The following RORA variants were observed in gnomAD, a reference collection of about 807,000 sequenced individuals.
RORA encodes the protein RAR related orphan receptor A.
RORA carries 7 observed loss-of-function variants against 69.5 expected under a neutral mutation model. That is an observed-to-expected ratio of 0.10 (90% CI 0.06 to 0.19). The LOEUF (loss-of-function observed/expected upper bound fraction) is 0.19, where lower values mean the gene tolerates loss of function less well. Among genes scored for constraint, RORA ranks in the 10% least tolerant of loss-of-function variants. RORA has a pLI of 1.00. For missense variants in RORA, 457 were observed against 663.0 expected (o/e 0.69, Z 3.41); for synonymous variants, 261 against 240.8 (o/e 1.08, Z -0.78).
chr15:61,048,525 C>G (rs908845608), intron 1 of RORA, among the ~76,000 whole-genome samples: 1 of 152,188 alleles, frequency 6.6e-6, no homozygotes, highest in African/African-American at 2.4e-5. Flanking sequence ...TGCCCCACAC[C>G]CCAGATATCT....
At chr15:60,569,861 C>T (rs1321367264) in intron 2 of RORA, among the ~76,000 whole-genome samples, 1 of 152,046 alleles carries the variant, frequency 6.6e-6, no homozygotes. Flanking sequence ...GCTATTCAAG[C>T]CAATATGGTT....
intron 1 of RORA, among the ~76,000 whole-genome samples, chr15:60,858,901 C>T (rs1050511664): frequency 2.6e-5 from 4 of 151,956 alleles, no homozygotes; most frequent in Non-Finnish European, 5.9e-5. Context: ...ATTGTGCAGC[C>T]GAAAGAAGGC....
chr15:61,181,085 CAG>C (rs2079680734), intron 1 of RORA, among the ~76,000 whole-genome samples: 1 of 128,238 alleles, frequency 7.8e-6, no homozygotes, highest in Non-Finnish European at 1.6e-5. Flanking sequence ...GCCAGGGAGA[CAG>C]AGCGAGATTC....
chr15:61,019,145 T>C (rs144397076), intron 1 of RORA, among the ~76,000 whole-genome samples: 69 of 152,342 alleles, frequency 4.5e-4, no homozygotes, highest in Middle Eastern at 6.8e-3. Flanking sequence ...AGAATTGCAC[T>C]GGCTTCACAG....
chr15:61,172,624 C>T (rs1405415486), intron 1 of RORA, among the ~76,000 whole-genome samples: 1 of 152,170 alleles, frequency 6.6e-6, no homozygotes, highest in Non-Finnish European at 1.5e-5. Flanking sequence ...GGGACCAATT[C>T]AGAGACTGCT....
chr15:60,556,319 A>G (rs1453438994), intron 2 of RORA, among the ~76,000 whole-genome samples: 1 of 152,110 alleles, frequency 6.6e-6, no homozygotes, highest in Non-Finnish European at 1.5e-5. Context: ...TCTACCCTCA[A>G]AATTGAGGGT....
At position 61,030,147 on chromosome 15, in the gene RORA, G is replaced by A. The variant is rs183670561; in HGVS notation, c.166+198906C>T. Among the ~76,000 whole-genome samples, 139 of 152,286 alleles carry A rather than the reference G, an allele frequency of 9.1e-4. 1 individual carries two copies. The highest frequency in any genetic ancestry group is 1.4e-3 in the Non-Finnish European group (98 of 68,020). ...TTATGGAAGTCAAGGAAACGCTAAG[G>A]AAGTGTTCACATTAAAGGAAACTAA... On this transcript the variant is annotated intron_variant, in intron 1 of 10. Coordinates refer to ENST00000335670, the MANE Select transcript of RORA (RefSeq NM_134261.3).
At chr15:61,015,752 C>T (rs1895260271) in intron 1 of RORA, among the ~76,000 whole-genome samples, 2 of 152,126 alleles carry the variant, frequency 1.3e-5, no homozygotes, top group African/African-American at 4.8e-5. Context: ...GGAAAGAACA[C>T]CAAACAATTC....
intron 1 of RORA, among the ~76,000 whole-genome samples, chr15:60,816,842 T>C (rs183728129): frequency 2.6e-5 from 4 of 152,268 alleles, no homozygotes; most frequent in Admixed American, 2.6e-4. Flanking sequence ...ATTGTTATGT[T>C]TTTCTAATGG....
At chr15:61,217,635 G>A (rs574568440) in intron 1 of RORA, among the ~76,000 whole-genome samples, 20 of 152,268 alleles carry the variant, frequency 1.3e-4, no homozygotes, top group African/African-American at 4.6e-4. Context: ...CAGAAAGGCA[G>A]GGAGCTCGCC....
chr15:60,809,718 A>T lies in RORA; in HGVS notation c.167-131032T>A, dbSNP rs538484284. Among the ~76,000 whole-genome samples, 51 of 152,048 alleles carry T rather than the reference A, an allele frequency of 3.4e-4. No individual in the cohort carries two copies. The Middle Eastern group carries it at 0.01, about 31-fold the overall frequency. ...TATTCTGTGCTTCTGGTTTTATGAC[A>T]ATGTAAATGCTATTCACCAATGGGG... On this transcript the variant is annotated intron_variant, in intron 1 of 10. Transcript: ENST00000335670.
chr15:60,947,136 G>T (rs528979210), intron 1 of RORA, among the ~76,000 whole-genome samples: 1 of 149,996 alleles, frequency 6.7e-6, no homozygotes, highest in Non-Finnish European at 1.5e-5. Context: ...CACCCGGCCA[G>T]CCCCTTCTGG....
intron 1 of RORA, among the ~76,000 whole-genome samples, chr15:61,106,325 T>C (rs560286151): frequency 4.5e-4 from 68 of 152,330 alleles, no homozygotes; most frequent in African/African-American, 1.5e-3. Flanking sequence ...GGTGAGACCA[T>C]ACAGAATTGA....
At chr15:60,926,146 T>C (rs1244884976) in intron 1 of RORA, among the ~76,000 whole-genome samples, 1 of 152,238 alleles carries the variant, frequency 6.6e-6, no homozygotes, top group Non-Finnish European at 1.5e-5. Flanking sequence ...TATACATCTA[T>C]GGTTTTGGAG....
At chr15:61,123,904 G>A (rs1026768194) in intron 1 of RORA, among the ~76,000 whole-genome samples, 5 of 152,182 alleles carry the variant, frequency 3.3e-5, no homozygotes, top group Non-Finnish European at 7.3e-5. Context: ...TGACACCTCT[G>A]GGTAGGATGC....
intron 1 of RORA, among the ~76,000 whole-genome samples, chr15:60,855,107 G>A (rs777308385): frequency 6.6e-6 from 1 of 152,176 alleles, no homozygotes; most frequent in Non-Finnish European, 1.5e-5. Flanking sequence ...GGATGCTCTC[G>A]GCACTGTTTG....
intron 1 of RORA, among the ~76,000 whole-genome samples, chr15:61,092,273 A>G (rs1458740552): frequency 1.3e-5 from 2 of 152,226 alleles, no homozygotes; most frequent in Non-Finnish European, 2.9e-5. Context: ...GGCTGGCAGT[A>G]TGTTCAAAAA....
chr15:60,792,578 C>A (rs1023521458), intron 1 of RORA, among the ~76,000 whole-genome samples: 31 of 152,086 alleles, frequency 2.0e-4, no homozygotes, highest in Admixed American at 2.0e-3. Context: ...ACAGCAGAAA[C>A]AACAATATGA....
At chr15:60,640,137 C>T (rs1225659139) in intron 2 of RORA, among the ~76,000 whole-genome samples, 2 of 152,152 alleles carry the variant, frequency 1.3e-5, no homozygotes, top group Non-Finnish European at 2.9e-5. Flanking sequence ...AATAATATTC[C>T]TCTCGCAGCA....
Sources: gnomAD v4.1 joint callset for allele counts (sites outside exome capture counted in the v4.1 genomes callset) on GRCh38, gnomAD v4.1.1 for gene constraint, MANE v1.5 for transcripts, NCBI Gene and HGNC (gene_info 2026-07-23, HGNC 2026-07-21) for gene names.